The following SH2B3 variants were observed in gnomAD, a reference collection of about 807,000 sequenced individuals.
The protein encoded by SH2B3 is SH2B adaptor protein 3.
Under a neutral mutation model 51.9 loss-of-function variants are expected in SH2B3, and 43 were observed. That is an observed-to-expected ratio of 0.83 (90% CI 0.65 to 1.07). The LOEUF is 1.07. SH2B3 is among the 50% of genes least tolerant of loss of function. The probability of loss-of-function intolerance (pLI) is 0.00; values close to 1 mark genes in which losing one functional copy is unlikely to be tolerated. For missense variants in SH2B3, 952 were observed against 834.3 expected, an observed-to-expected ratio of 1.14 and a Z score of -1.74; for synonymous variants, 396 against 376.0, an observed-to-expected ratio of 1.05 and a Z score of -0.62.
intron 2 of SH2B3, among the ~76,000 whole-genome samples, chr12:111,419,234 T>C (rs1007647637): frequency 6.6e-6 from 1 of 151,884 alleles, no homozygotes; most frequent in African/African-American, 2.4e-5. Flanking sequence ...GCCCAGGAGG[T>C]GGAGGCTACA....
In SH2B3 at chr12:111,426,385, C is replaced by CT. The variant is rs796965805; in HGVS notation, c.732+7525dup. ...AATTCTGGTTCCGTTTTTCTTTTAT[C>CT]TTTTTTTTTTTTTTTTTGTTAAGAG... On this transcript the variant is annotated intron_variant, in intron 2 of 7. Coordinates refer to ENST00000341259, the MANE Select transcript of SH2B3 (RefSeq NM_005475.3). Among the ~76,000 whole-genome samples the CT allele has an allele frequency of 9.5e-3, 1,290 of 136,024 alleles. 9 individuals carry two copies. The highest frequency in any genetic ancestry group is 0.02 in the South Asian group (85 of 4,212). The allele number at this position is 136,024 out of a possible 152,430, so 89.2% of individuals were successfully genotyped here. A position where few individuals can be genotyped will look rare whatever the true frequency, so the allele number is the denominator to read the frequency against.
In SH2B3 at chr12:111,446,841, C is replaced by A; in HGVS notation, c.821C>A (p.Thr274Asn). The change falls in exon 3 of 8, where the codon ACC becomes AAC. Residue 274 changes from threonine (T) to asparagine (N), a missense_variant. By Grantham distance (65) the Thr-to-Asn change is moderately conservative (BLOSUM62 0). Coordinates refer to ENST00000341259, the MANE Select transcript of SH2B3 (RefSeq NM_005475.3). ...CTTGAGATGCCTGACAACCTTTACACCTTTGTGCTGAAGGTGAGTGACAAG... is the reference window on the plus strand; with the variant it reads ...CTTGAGATGCCTGACAACCTTTACAACTTTGTGCTGAAGGTGAGTGACAAG... The part of the protein sequence containing the change: ...TRLEMPDNLY[T>N]FVLKVKDRTD... 1 of 1,601,738 alleles carries A rather than the reference C, an allele frequency of 6.2e-7. No individual in the cohort carries two copies. Among genetic ancestry groups the A allele is most frequent in the South Asian group, 1.1e-5 (1 of 89,460 alleles).
rs1175325043 is a variant in SH2B3, at chr12:111,447,369, A to G, written c.1061A>G (p.Lys354Arg). 3 of 1,613,966 alleles carry G rather than the reference A, an allele frequency of 1.9e-6. No homozygotes were observed. Among genetic ancestry groups the G allele is most frequent in the South Asian group, 2.2e-5 (2 of 91,088 alleles). The part of the protein sequence containing the change: ...PGGLLDPACQ[K>R]TDHFLSCYPW... ...GGGCTGCTGGACCCGGCCTGCCAGA[A>G]GACGGACCATTTCCTGTCCTGCTAC... Residue 354 changes from lysine (K) to arginine (R), a missense_variant, in exon 6 of 8, where the codon AAG (lysine) becomes AGG (arginine). Physicochemically the swap from Lys to Arg is conservative, Grantham distance 26 (BLOSUM62 2). Coordinates refer to ENST00000341259, the MANE Select transcript of SH2B3 (RefSeq NM_005475.3).
intron 2 of SH2B3, among the ~76,000 whole-genome samples, chr12:111,440,183 C>A (rs866943979): frequency 6.6e-6 from 1 of 152,196 alleles, no homozygotes; most frequent in African/African-American, 2.4e-5. Context: ...ATAGAAGCAC[C>A]CTGTGCTGTG....
rs1874441403 is a variant in SH2B3 at position 111,450,105 on chromosome 12, TAG to T, written c.*1807_*1808del. The T allele has an allele frequency of 6.6e-6, 1 of 152,206 alleles. No homozygotes were observed. Among genetic ancestry groups the T allele is most frequent in the Non-Finnish European group, 1.5e-5 (1 of 68,060 alleles). The allele number at this position is 152,206 out of a possible 1,614,324, so 9.4% of individuals were successfully genotyped here. A position where few individuals can be genotyped will look rare whatever the true frequency, so the allele number is the denominator to read the frequency against. ...TGCCTGGCTAATTTTGTATTTTTAGTAGAGACAGGGTTTCACCATGTTGGCCA... is the reference window on the plus strand; with the variant it reads ...TGCCTGGCTAATTTTGTATTTTTAGTAGACAGGGTTTCACCATGTTGGCCA... On this transcript the variant is annotated 3_prime_UTR_variant, in exon 8 of 8. Coordinates refer to ENST00000341259, the MANE Select transcript of SH2B3 (RefSeq NM_005475.3).
intron 2 of SH2B3, among the ~76,000 whole-genome samples, chr12:111,427,276 C>T (rs535017931): frequency 3.2e-4 from 48 of 151,806 alleles, no homozygotes; most frequent in Non-Finnish European, 6.5e-4. Flanking sequence ...ATCCCAGCTA[C>T]TCGGGAGGCT....
At chr12:111,440,318 G>C (rs1873288677) in intron 2 of SH2B3, among the ~76,000 whole-genome samples, 1 of 152,246 alleles carries the variant, frequency 6.6e-6, no homozygotes, top group Non-Finnish European at 1.5e-5. Flanking sequence ...GGGTGGTGAG[G>C]CTTCTCCTTC....
intron 1 of SH2B3, among the ~76,000 whole-genome samples, chr12:111,415,917 C>T (rs1450366101): frequency 1.3e-5 from 2 of 151,646 alleles, no homozygotes; most frequent in Non-Finnish European, 2.9e-5. Context: ...CAGCTGCCCC[C>T]GGCCCATTTA....
rs746842954 is a variant in SH2B3, at chr12:111,435,116, G to C, written c.733-11637G>C. On this transcript the variant is annotated intron_variant, in intron 2 of 7. Transcript: ENST00000341259. The surrounding 1 kb of genome is among the most constrained non-coding windows in gnomAD (Gnocchi z 4.8). ...CTGGTGCACTCTCCCCACCCGAGAC[G>C]GGCGACAGAGGTTTTTTGTTGTTTC... 3.8e-6 allele frequency: 4 copies of C among 1,039,608 alleles called. No homozygotes were observed. The highest frequency in any genetic ancestry group is 5.0e-5 in the Admixed American group (2 of 39,936). The allele number at this position is 1,039,608 out of a possible 1,614,324, so 64.4% of individuals were successfully genotyped here.
intron 2 of SH2B3, among the ~76,000 whole-genome samples, chr12:111,424,702 G>A (rs940398834): frequency 5.3e-5 from 8 of 152,110 alleles, no homozygotes; most frequent in Non-Finnish European, 1.0e-4. Flanking sequence ...GGAACAGTCC[G>A]GGCGGCTCAG....
chr12:111,418,313 G>T lies in SH2B3; in HGVS notation c.168G>T (p.Ala56=), dbSNP rs1322124956. The T allele has an allele frequency of 1.3e-6, 2 of 1,527,364 alleles. No individual in the cohort carries two copies. 94.6% of individuals were successfully genotyped at this position (1,527,364 alleles called of 1,614,324 possible). ...TCGCCCGGGAGCATCCGCAGCACGC[G>T]CCGCTGCGCGCCGAGCTGGTGTCGC... The part of the protein sequence containing the change: ...WLFAREHPQH[A]PLRAELVSLQ... The change falls in exon 2 of 8, where the codon GCG becomes GCT. Residue 56 remains alanine, a synonymous_variant. Coordinates refer to ENST00000341259, the MANE Select transcript of SH2B3 (RefSeq NM_005475.3). The surrounding 1 kb of genome is among the most constrained non-coding windows in gnomAD (Gnocchi z 6.7).
intron 2 of SH2B3, among the ~76,000 whole-genome samples, chr12:111,441,914 C>T (rs1404387114): frequency 1.3e-5 from 2 of 151,990 alleles, no homozygotes; most frequent in East Asian, 3.9e-4. Context: ...TGACTAAAAT[C>T]ATTTTTGGAA....
intron 2 of SH2B3, among the ~76,000 whole-genome samples, chr12:111,440,261 C>T (rs375500306): frequency 6.6e-6 from 1 of 152,232 alleles, no homozygotes; most frequent in South Asian, 2.1e-4. Context: ...AGGAGGGCCA[C>T]GTGAGGCTCA....
At chr12:111,414,081 C>G (rs1299482139) in intron 1 of SH2B3, among the ~76,000 whole-genome samples, 1 of 152,222 alleles carries the variant, frequency 6.6e-6, no homozygotes, top group Non-Finnish European at 1.5e-5. Flanking sequence ...TCACCTGTGT[C>G]AAGGCTGGGT....
At chr12:111,422,927 C>A (rs1161761078) in intron 2 of SH2B3, among the ~76,000 whole-genome samples, 2 of 151,924 alleles carry the variant, frequency 1.3e-5, no homozygotes, top group Non-Finnish European at 2.9e-5. Flanking sequence ...GAACTCCTGA[C>A]CTCAGGTGAT....
chr12:111,435,146 C>T lies in SH2B3; in HGVS notation c.733-11607C>T. On this transcript the variant is annotated intron_variant, in intron 2 of 7. Coordinates refer to ENST00000341259, the MANE Select transcript of SH2B3 (RefSeq NM_005475.3). This position sits in a 1 kb window ranked among gnomAD's most constrained non-coding sequence, Gnocchi z 4.8. ...ACAGAGGTTTTTTGTTGTTTCTTAA[C>T]CACATCTTTTTCCACCCACACCCGG... The T allele has an allele frequency of 2.4e-6, 2 of 819,716 alleles. No homozygotes were observed. The highest frequency in any genetic ancestry group is 3.8e-6 in the Non-Finnish European group (2 of 530,768). The allele number at this position is 819,716 out of a possible 1,614,324, so 50.8% of individuals were successfully genotyped here.
At chr12:111,430,301 C>T (rs1236600704) in intron 2 of SH2B3, among the ~76,000 whole-genome samples, 2 of 152,164 alleles carry the variant, frequency 1.3e-5, no homozygotes, top group Non-Finnish European at 2.9e-5. Context: ...TGCTTTGCCG[C>T]TTAGAAGAAA....
intron 2 of SH2B3, 146 bp downstream of exon 2, chr12:111,419,023 CT>C: frequency 1.3e-6 from 1 of 760,672 alleles, no homozygotes; most frequent in Non-Finnish European, 1.9e-6. Context: ...TAAAAAAGAA[CT>C]TTTAGGCCGA....
chr12:111,437,182 GGTTT>G (rs1267062075), intron 2 of SH2B3, among the ~76,000 whole-genome samples: 1 of 152,192 alleles, frequency 6.6e-6, no homozygotes, highest in East Asian at 1.9e-4. Flanking sequence ...GTGCTTGGAG[GGTTT>G]ACTGGGTGAC....
Sources: gnomAD v4.1 joint callset for allele counts (sites outside exome capture counted in the v4.1 genomes callset) on GRCh38, gnomAD v4.1.1 for gene constraint, Gnocchi (gnomAD v3.1) non-coding constraint, MANE v1.5 for transcripts, NCBI Gene and HGNC (gene_info 2026-07-23, HGNC 2026-07-21) for gene names.